The following TBXAS1 variants were observed in gnomAD, a reference collection of about 807,000 sequenced individuals.
The protein encoded by TBXAS1 is thromboxane-A synthase.
TBXAS1 carries 48 observed loss-of-function variants against 60.7 expected under a neutral mutation model. The observed-to-expected ratio is 0.79, with a 90% CI of 0.63 to 1.01. The LOEUF is 1.01. Ranked by LOEUF, TBXAS1 falls within the 50% of genes least tolerant of loss-of-function variation. The probability of loss-of-function intolerance (pLI) is 0.00; values close to 1 mark genes in which losing one functional copy is unlikely to be tolerated. For missense variants in TBXAS1, 685 were observed against 686.3 expected (o/e 1.00, Z 0.02); for synonymous variants, 287 against 269.7 (o/e 1.06, Z -0.63).
rs1391135324 is a variant in TBXAS1, at chr7:139,852,939, C to CACACAT, written c.90-19291_90-19290insTACACA. 8.9e-3 allele frequency among the ~76,000 whole-genome samples: 181 copies of CACACAT among 20,260 alleles called. No homozygotes were observed. The African/African-American group carries it at 0.11, about 12-fold the overall frequency. 13.3% of individuals were successfully genotyped at this position (20,260 alleles called of 152,430 possible). The stretch of plus-strand genomic sequence containing the variant: ...TACCAACCTTGGCTACTCCAATACA[C>CACACAT]ACACACACACACACACACACACACA... On this transcript the variant is annotated intron_variant, in intron 1 of 12. Coordinates refer to ENST00000448866, the MANE Select transcript of TBXAS1 (RefSeq NM_001061.7). This position sits in a 1 kb window ranked among gnomAD's most constrained non-coding sequence, Gnocchi z 4.4.
intron 3 of TBXAS1, among the ~76,000 whole-genome samples, chr7:139,901,166 C>T (rs564303899): frequency 6.6e-6 from 1 of 152,214 alleles, no homozygotes; most frequent in South Asian, 2.1e-4. Flanking sequence ...TTCAGGAGCT[C>T]CTCAAACTAC....
intron 2 of TBXAS1, among the ~76,000 whole-genome samples, chr7:139,781,898 G>A (rs1189504119): frequency 2.0e-5 from 3 of 149,980 alleles, no homozygotes; most frequent in East Asian, 4.0e-4. Context: ...AACAAGAGTT[G>A]CATTAGTGAC....
intron 4 of TBXAS1, among the ~76,000 whole-genome samples, chr7:139,911,660 G>A (rs1256494615): frequency 1.3e-5 from 2 of 152,206 alleles, no homozygotes; most frequent in African/African-American, 2.4e-5. Context: ...GAATGAGCTA[G>A]GCTAATAAAT....
chr7:139,790,989 A>G (rs143244876), intron 4 of TBXAS1, among the ~76,000 whole-genome samples: 1 of 152,218 alleles, frequency 6.6e-6, no homozygotes, highest in African/African-American at 2.4e-5. Context: ...GTTTTTGTAG[A>G]GATGGAGTTT....
intron 4 of TBXAS1, among the ~76,000 whole-genome samples, chr7:139,922,241 A>G (rs1363553117): frequency 6.6e-6 from 1 of 151,380 alleles, no homozygotes; most frequent in Admixed American, 6.6e-5. Context: ...AGCTGGGATT[A>G]CGGACATGTG....
chr7:139,946,779 T>G (rs1477925366), intron 5 of TBXAS1, among the ~76,000 whole-genome samples: 1 of 152,214 alleles, frequency 6.6e-6, no homozygotes, highest in Non-Finnish European at 1.5e-5. Flanking sequence ...AAGGGAGGTA[T>G]TATTTTCATT....
At chr7:139,940,986 T>C (rs3831718) in intron 5 of TBXAS1, among the ~76,000 whole-genome samples, 6 of 137,962 alleles carry the variant, frequency 4.3e-5, no homozygotes, top group Non-Finnish European at 8.0e-5. Flanking sequence ...CCAATATATA[T>C]ACACATATAC....
At chr7:139,875,373 A>T (rs913812309) in intron 2 of TBXAS1, among the ~76,000 whole-genome samples, 10 of 152,224 alleles carry the variant, frequency 6.6e-5, no homozygotes, top group Non-Finnish European at 4.4e-5. Flanking sequence ...AGAACTGGTG[A>T]TCTCTCCTGT....
intron 3 of TBXAS1, among the ~76,000 whole-genome samples, chr7:139,884,309 G>T (rs189983703): frequency 1.3e-5 from 2 of 152,280 alleles, no homozygotes; most frequent in African/African-American, 4.8e-5. Context: ...GCCTTAACTC[G>T]GAATCATGCT....
intron 3 of TBXAS1, among the ~76,000 whole-genome samples, chr7:139,905,088 CCTCTCT>C (rs755696056): frequency 6.6e-5 from 7 of 105,326 alleles, no homozygotes; most frequent in Non-Finnish European, 1.2e-4. Flanking sequence ...TCTCTTTCTC[CCTCTCT>C]CTCTCTCTCT....
chr7:139,933,181 G>C lies in TBXAS1; in HGVS notation c.334-3010G>C, dbSNP rs1023990891. Among the ~76,000 whole-genome samples, 5 of 152,180 alleles carry C rather than the reference G, an allele frequency of 3.3e-5. No homozygotes were observed. The South Asian group carries it at 8.3e-4, about 25-fold the overall frequency. On this transcript the variant is annotated intron_variant, in intron 4 of 12. Coordinates refer to ENST00000448866, the MANE Select transcript of TBXAS1 (RefSeq NM_001061.7). ...AGGCCCAAGTGAGCACAGTGTCATG[G>C]CATGCTGGTGAGAAAGATATGTGAA... is the stretch of plus-strand genomic sequence containing the variant.
intron 4 of TBXAS1, among the ~76,000 whole-genome samples, chr7:139,791,987 C>T (rs1470080046): frequency 1.3e-5 from 2 of 152,010 alleles, no homozygotes; most frequent in African/African-American, 4.8e-5. Context: ...AGATATTTTT[C>T]GAAGTGGAGC....
chr7:140,016,151 AC>A (rs1278021055), intron 11 of TBXAS1, among the ~76,000 whole-genome samples: 1 of 151,880 alleles, frequency 6.6e-6, no homozygotes, highest in African/African-American at 2.4e-5. Context: ...ACACGGTGAA[AC>A]CCCATCTCTA....
chr7:139,937,094 T>C (rs1807853619), intron 5 of TBXAS1, among the ~76,000 whole-genome samples: 1 of 152,216 alleles, frequency 6.6e-6, no homozygotes, highest in Admixed American at 6.5e-5. Flanking sequence ...TATCTAAGCC[T>C]GACAGCCCCC....
chr7:139,922,976 C>T (rs981109347), intron 4 of TBXAS1, among the ~76,000 whole-genome samples: 3 of 152,122 alleles, frequency 2.0e-5, no homozygotes, highest in Non-Finnish European at 4.4e-5. Context: ...TTTTGTTTAT[C>T]CTTGCACCAA....
At chr7:139,944,353 T>G (rs1808529786) in intron 5 of TBXAS1, among the ~76,000 whole-genome samples, 1 of 152,138 alleles carries the variant, frequency 6.6e-6, no homozygotes, top group South Asian at 2.1e-4. Context: ...ACAGAGTACA[T>G]GTAAGGGATT....
At chr7:139,803,094 C>G (rs1419456961) in intron 4 of TBXAS1, among the ~76,000 whole-genome samples, 1 of 152,180 alleles carries the variant, frequency 6.6e-6, no homozygotes. Flanking sequence ...GACTTTGGAA[C>G]TGGGTAACAG....
At chr7:139,849,654 C>T (rs1179801863) in intron 1 of TBXAS1, among the ~76,000 whole-genome samples, 1 of 152,062 alleles carries the variant, frequency 6.6e-6, no homozygotes, top group Admixed American at 6.6e-5. Context: ...AGCATGAGCA[C>T]ACTCTAGGAA....
intron 4 of TBXAS1, among the ~76,000 whole-genome samples, chr7:139,791,698 C>T (rs893999782): frequency 4.6e-5 from 7 of 151,936 alleles, no homozygotes; most frequent in Admixed American, 3.3e-4. Flanking sequence ...AAGGTGCAGG[C>T]GGCTGTATAA....
Sources: gnomAD v4.1 joint callset for allele counts (sites outside exome capture counted in the v4.1 genomes callset) on GRCh38, gnomAD v4.1.1 for gene constraint, Gnocchi (gnomAD v3.1) non-coding constraint, MANE v1.5 for transcripts, NCBI Gene and HGNC (gene_info 2026-07-23, HGNC 2026-07-21) for gene names.